Variants in MAST4 observed in about 807,000 individuals in gnomAD.
MAST4 encodes the protein microtubule associated serine/threonine kinase family member 4.
MAST4 carries 89 observed loss-of-function variants against 162.7 expected under a neutral mutation model. That is an observed-to-expected ratio of 0.55 (90% CI 0.46 to 0.65). MAST4 has a LOEUF of 0.65. Among genes scored for constraint, MAST4 ranks in the 30% least tolerant of loss-of-function variants. MAST4 has a pLI of 0.00. For missense variants in MAST4, 3,153 were observed against 3,374.0 expected, an observed-to-expected ratio of 0.93 and a Z score of 1.62; for synonymous variants, 1,479 against 1,361.1, an observed-to-expected ratio of 1.09 and a Z score of -1.91.
intron 5 of MAST4, among the ~76,000 whole-genome samples, chr5:67,087,080 G>A (rs749443947): frequency 2.6e-5 from 4 of 151,958 alleles, no homozygotes; most frequent in Admixed American, 6.6e-5. Flanking sequence ...AAGGAAAATG[G>A]AGGAATTTCT....
chr5:66,716,334 CTATGTGTGTGTATGTGTGTATG>C, intron 1 of MAST4, among the ~76,000 whole-genome samples: 1 of 151,530 alleles, frequency 6.6e-6, no homozygotes, highest in Non-Finnish European at 1.5e-5. Flanking sequence ...ATCTCTCTCT[CTATGTGTGTGTATGTGTGTATG>C]TATGTGTGTA....
intron 8 of MAST4, among the ~76,000 whole-genome samples, chr5:67,100,881 A>G (rs1452330028): frequency 6.6e-6 from 1 of 152,244 alleles, no homozygotes; most frequent in Admixed American, 6.5e-5. Context: ...AGGCAGTGCA[A>G]AAGCAGTTAA....
At chr5:66,847,829 A>AAAAAG (rs1197336066) in intron 3 of MAST4, among the ~76,000 whole-genome samples, 8 of 150,796 alleles carry the variant, frequency 5.3e-5, no homozygotes, top group Non-Finnish European at 1.2e-4. Flanking sequence ...TCAAAAAAAA[A>AAAAAG]AAAAAAAAAA....
At chr5:66,643,300 C>T (rs980811812) in intron 1 of MAST4, among the ~76,000 whole-genome samples, 2 of 152,190 alleles carry the variant, frequency 1.3e-5, no homozygotes, top group Admixed American at 1.3e-4. Flanking sequence ...GCGGAGCTTC[C>T]CTTATTATTG....
chr5:66,788,607 C>CCAAGCAAAAAAAA, intron 2 of MAST4, 63 bp from the exon 3 acceptor site: 8 of 1,373,716 alleles, frequency 5.8e-6, no homozygotes, highest in African/African-American at 4.4e-5. Flanking sequence ...CCCCCACCCC[C>CCAAGCAAAAAAAA]ATTGCAATAA....
chr5:66,645,712 A>T (rs541597716), intron 1 of MAST4, among the ~76,000 whole-genome samples: 1 of 152,276 alleles, frequency 6.6e-6, no homozygotes, highest in South Asian at 2.1e-4. Context: ...CAGCCCTTTT[A>T]TTATTAAAAA....
intron 1 of MAST4, among the ~76,000 whole-genome samples, chr5:66,660,691 A>G (rs1746850009): frequency 6.6e-6 from 1 of 152,222 alleles, no homozygotes; most frequent in Admixed American, 6.5e-5. Flanking sequence ...TAGTTTTTGT[A>G]AGCCTTGGGA....
rs1353846715 is a variant in MAST4 at position 66,796,047 on chromosome 5, AT to A, written c.642+7255del. Among the ~76,000 whole-genome samples the A allele has an allele frequency of 2.3e-4, 35 of 152,182 alleles. 1 individual carries two copies. Among genetic ancestry groups the A allele is most frequent in the Admixed American group, 2.3e-3 (35 of 15,280 alleles). ...AGCAGTAGGGAGCCCTGAGCAGATT[AT>A]TATAGGTCAGGCCTAATCCATGAAG... is the stretch of plus-strand genomic sequence containing the variant. On this transcript the variant is annotated intron_variant, in intron 3 of 28. Coordinates refer to ENST00000403625, the MANE Select transcript of MAST4 (RefSeq NM_001164664.2).
At position 67,163,521 on chromosome 5, in the gene MAST4, G is replaced by T; in HGVS notation, c.4342G>T (p.Glu1448Ter). ...SPLLKRVQSE[E>*]KLSPSYGSDK... is the part of the protein sequence containing the mutation. ...GCTGCTCAAGCGCGTGCAGTCCGAG[G>T]AGAAGCTGTCGCCCTCTTACGGCAG... The change falls in exon 29 of 29, where the codon GAG becomes TAG. Residue 1448 changes from glutamate (E) to a stop codon, truncating the protein, a stop_gained. Transcript: ENST00000403625. LOFTEE classifies it low-confidence loss of function (END_TRUNC). The surrounding 1 kb of genome is among the most constrained non-coding windows in gnomAD (Gnocchi z 7.0). 1 of 1,609,346 alleles carries T rather than the reference G, an allele frequency of 6.2e-7. No homozygotes were observed.
intron 25 of MAST4, among the ~76,000 whole-genome samples, chr5:67,153,172 T>C (rs755369684): frequency 3.3e-5 from 5 of 152,230 alleles, no homozygotes; most frequent in Non-Finnish European, 7.3e-5. Flanking sequence ...CCTAGCCTTC[T>C]TTTTAAAAAT....
chr5:67,126,400 C>A (rs1278625955), intron 14 of MAST4, among the ~76,000 whole-genome samples: 1 of 152,110 alleles, frequency 6.6e-6, no homozygotes, highest in Non-Finnish European at 1.5e-5. Flanking sequence ...AGTCTTTAAT[C>A]CATCTTGAGT....
chr5:66,821,779 C>G (rs746474446), intron 3 of MAST4, among the ~76,000 whole-genome samples: 1 of 152,070 alleles, frequency 6.6e-6, no homozygotes, highest in Non-Finnish European at 1.5e-5. Flanking sequence ...TGGGAAACCT[C>G]GGTGCCCTCC....
At chr5:66,614,538 A>G (rs1026246976) in intron 1 of MAST4, among the ~76,000 whole-genome samples, 1 of 152,156 alleles carries the variant, frequency 6.6e-6, no homozygotes, top group Admixed American at 6.5e-5. Flanking sequence ...TTGAGTCTTG[A>G]TGAGGGCCAT....
intron 1 of MAST4, among the ~76,000 whole-genome samples, chr5:66,748,540 G>C (rs1752936281): frequency 6.7e-6 from 1 of 150,236 alleles, no homozygotes; most frequent in East Asian, 2.0e-4. Flanking sequence ...CCAGGCTGGA[G>C]TGCAGTGGTG....
chr5:67,024,049 G>A (rs1754313101), intron 4 of MAST4, among the ~76,000 whole-genome samples: 1 of 151,590 alleles, frequency 6.6e-6, no homozygotes, highest in Admixed American at 6.6e-5. Context: ...TCATTAAAGA[G>A]CAACTCCCCA....
intron 3 of MAST4, among the ~76,000 whole-genome samples, chr5:66,832,186 C>T (rs1757650302): frequency 6.6e-6 from 1 of 152,098 alleles, no homozygotes; most frequent in South Asian, 2.1e-4. Context: ...ATCATCTTCT[C>T]ATGATCACCT....
chr5:66,895,017 A>C (rs1183260308), intron 3 of MAST4, among the ~76,000 whole-genome samples: 1 of 152,140 alleles, frequency 6.6e-6, no homozygotes, highest in Non-Finnish European at 1.5e-5. Context: ...GCTCCCACTC[A>C]GTGTTCAGCT....
intron 5 of MAST4, among the ~76,000 whole-genome samples, chr5:67,086,820 T>G (rs1362742573): frequency 6.6e-6 from 1 of 152,222 alleles, no homozygotes; most frequent in African/African-American, 2.4e-5. Flanking sequence ...CACTCCTTCT[T>G]ACTCTCATCC....
intron 3 of MAST4, among the ~76,000 whole-genome samples, chr5:66,874,917 T>G (rs463219): frequency 0.29 from 43,627 of 152,014 alleles, 6,486 homozygotes; most frequent in East Asian, 0.54. Flanking sequence ...AAACCCACTG[T>G]TCACAGGGGA....
Sources: gnomAD v4.1 joint callset for allele counts (sites outside exome capture counted in the v4.1 genomes callset) on GRCh38, gnomAD v4.1.1 for gene constraint, Gnocchi (gnomAD v3.1) non-coding constraint, MANE v1.5 for transcripts, NCBI Gene and HGNC (gene_info 2026-07-23, HGNC 2026-07-21) for gene names.